The following ABLIM2 variants were observed in gnomAD, a reference collection of about 807,000 sequenced individuals.
ABLIM2 encodes actin binding LIM protein family member 2, also known as actin-binding LIM protein 2.
Under a neutral mutation model 97.7 loss-of-function variants are expected in ABLIM2, and 53 were observed. That is an observed-to-expected ratio of 0.54 (90% CI 0.44 to 0.68). The LOEUF is 0.68. Ranked by LOEUF, ABLIM2 falls within the 30% of genes least tolerant of loss-of-function variation. The pLI, the probability that ABLIM2 is intolerant of heterozygous loss-of-function variation, is 0.00. For synonymous variants in ABLIM2, 361 were observed against 345.8 expected (o/e 1.04, Z -0.49); for missense variants, 835 against 867.2 (o/e 0.96, Z 0.47).
Position 7,986,240 on chromosome 4 carries a change from C to T in ABLIM2, c.1681-1347G>A, listed in dbSNP as rs536812245. On this transcript the variant is annotated intron_variant, in intron 17 of 20. Transcript: ENST00000447017. The surrounding 1 kb of genome is among the most constrained non-coding windows in gnomAD (Gnocchi z 4.3). ...CTGTCACAGGGCAAAGTGTTTTCAA[C>T]GCGAGCTTTGCAGTAGGAAATCAGT... is the stretch of plus-strand genomic sequence containing the variant. Among the ~76,000 whole-genome samples, 7 of 152,194 alleles carry T rather than the reference C, an allele frequency of 4.6e-5. No individual in the cohort carries two copies. The highest frequency in any genetic ancestry group is 4.6e-4 in the Admixed American group (7 of 15,280).
intron 1 of ABLIM2, among the ~76,000 whole-genome samples, chr4:8,110,379 G>A (rs13117114): frequency 1.3e-5 from 2 of 152,006 alleles, no homozygotes; most frequent in Non-Finnish European, 2.9e-5. Context: ...GGCCTGGGAT[G>A]CAGGCTTAGC....
intron 12 of ABLIM2, among the ~76,000 whole-genome samples, chr4:8,027,244 G>C (rs1777990956): frequency 3.9e-5 from 6 of 152,156 alleles, no homozygotes; most frequent in Admixed American, 3.9e-4. Context: ...CCAGCATGTG[G>C]GTGCCCGTGC....
chr4:8,083,794 G>A lies in ABLIM2; in HGVS notation c.455-2992C>T, dbSNP rs753137045. ...GGACCCCCCAATGTCAGCTGGCCAC[G>A]TGCCCGTACATCCTGGTTGGCACTG... On this transcript the variant is annotated intron_variant, in intron 4 of 20. Transcript: ENST00000447017. The surrounding 1 kb of genome is among the most constrained non-coding windows in gnomAD (Gnocchi z 4.6). Among the ~76,000 whole-genome samples the A allele has an allele frequency of 3.9e-5, 6 of 152,204 alleles. No individual in the cohort carries two copies. The highest frequency in any genetic ancestry group is 1.9e-4 in the East Asian group (1 of 5,190).
chr4:8,151,384 C>A (rs977749702), intron 1 of ABLIM2, among the ~76,000 whole-genome samples: 1 of 152,230 alleles, frequency 6.6e-6, no homozygotes, highest in African/African-American at 2.4e-5. Context: ...AAAGCCCCCT[C>A]CTCCGCCCCA....
intron 1 of ABLIM2, among the ~76,000 whole-genome samples, chr4:8,143,159 T>TCGG (rs58979220): frequency 1.6e-5 from 1 of 61,368 alleles, no homozygotes; most frequent in Non-Finnish European, 3.3e-5. Flanking sequence ...GGGGCGAGAG[T>TCGG]GGGGGGGGGG....
chr4:8,016,079 C>T (rs1768988590), intron 14 of ABLIM2, among the ~76,000 whole-genome samples: 1 of 126,580 alleles, frequency 7.9e-6, no homozygotes, highest in Non-Finnish European at 1.6e-5. Flanking sequence ...GAGTCTCACT[C>T]TGTCGCCCAG....
rs1315487053 is a variant in ABLIM2 at position 8,054,300 on chromosome 4, G to T, written c.764-54C>A. The T allele has an allele frequency of 5.0e-6, 8 of 1,590,480 alleles. No individual in the cohort carries two copies. The highest frequency in any genetic ancestry group is 6.9e-6 in the Non-Finnish European group (8 of 1,160,310). ...ATTAGAGTTATTTCCCATGTTGCAG[G>T]GGCCTGTGTGGAAACGCAGAGGAGG... On this transcript the variant is annotated intron_variant, in intron 7 of 20. Coordinates refer to ENST00000447017, the MANE Select transcript of ABLIM2 (RefSeq NM_001130083.2). The surrounding 1 kb of genome is among the most constrained non-coding windows in gnomAD (Gnocchi z 4.9).
At position 8,115,272 on chromosome 4, in the gene ABLIM2, G is replaced by A. The variant is rs561626420; in HGVS notation, c.11-8635C>T. Among the ~76,000 whole-genome samples the A allele has an allele frequency of 5.3e-5, 8 of 152,274 alleles. No homozygotes were observed. In the East Asian group the frequency reaches 7.7e-4, roughly 15 times the overall value. The stretch of plus-strand genomic sequence containing the variant: ...TCAGTGCCCTGCTCAGGGCTGGCCC[G>A]GACATCAGCAGCCAAACTCCTCTTT... On this transcript the variant is annotated intron_variant, in intron 1 of 20. Transcript: ENST00000447017.
rs1848645086 is a variant in ABLIM2 at position 8,127,805 on chromosome 4, T to C, written c.11-21168A>G. On this transcript the variant is annotated intron_variant, in intron 1 of 20. Coordinates refer to ENST00000447017, the MANE Select transcript of ABLIM2 (RefSeq NM_001130083.2). This position sits in a 1 kb window ranked among gnomAD's most constrained non-coding sequence, Gnocchi z 7.3. ...CCACACTATGCGCCAGAGACACACC[T>C]GTCTCCCAGGCATCCGGGAAAGGGG... The C allele has an allele frequency of 1.3e-6, 1 of 785,458 alleles. No homozygotes were observed. Among genetic ancestry groups the C allele is most frequent in the Non-Finnish European group, 1.5e-6 (1 of 651,694 alleles). The allele number at this position is 785,458 out of a possible 1,614,324, so 48.7% of individuals were successfully genotyped here.
rs547459143 is a variant in ABLIM2 at position 8,046,330 on chromosome 4, C to A, written c.823-1089G>T. Among the ~76,000 whole-genome samples, 170 of 152,230 alleles carry A rather than the reference C, an allele frequency of 1.1e-3. No individual in the cohort carries two copies. The highest frequency in any genetic ancestry group is 3.7e-3 in the African/African-American group (152 of 41,538). ...CCCTCCCCACCTGCAGGGCAGGGGC[C>A]TCTCCTGGTTCAGCTCTCACTGGAG... On this transcript the variant is annotated intron_variant, in intron 8 of 20. Transcript: ENST00000447017. This position sits in a 1 kb window ranked among gnomAD's most constrained non-coding sequence, Gnocchi z 4.4.
At chr4:8,048,044 G>C (rs983963930) in intron 8 of ABLIM2, among the ~76,000 whole-genome samples, 12 of 152,238 alleles carry the variant, frequency 7.9e-5, no homozygotes, top group African/African-American at 2.9e-4. Context: ...GCGTTGGCTG[G>C]TTTCAGCACG....
rs970150904 is a variant in ABLIM2 at position 8,043,176 on chromosome 4, C to T, written c.900+1988G>A. 1.3e-5 allele frequency among the ~76,000 whole-genome samples: 2 copies of T among 152,086 alleles called. No individual in the cohort carries two copies. Among genetic ancestry groups the T allele is most frequent in the African/African-American group, 4.8e-5 (2 of 41,414 alleles). The stretch of plus-strand genomic sequence containing the variant: ...CAAAACCAAAACTAAAAAGGACAGT[C>T]CTCCCTGGGTCTTTGGACCTGCGTC... On this transcript the variant is annotated intron_variant, in intron 9 of 20. Coordinates refer to ENST00000447017, the MANE Select transcript of ABLIM2 (RefSeq NM_001130083.2). The surrounding 1 kb of genome is among the most constrained non-coding windows in gnomAD (Gnocchi z 4.8).
chr4:8,018,182 T>C (rs530299665), intron 14 of ABLIM2, among the ~76,000 whole-genome samples: 6 of 152,292 alleles, frequency 3.9e-5, no homozygotes, highest in African/African-American at 1.4e-4. Context: ...CCTCCTGTCC[T>C]GCACATGTTA....
chr4:7,981,802 C>T (rs897529172), intron 20 of ABLIM2, among the ~76,000 whole-genome samples: 7 of 152,172 alleles, frequency 4.6e-5, no homozygotes, highest in Admixed American at 2.0e-4. Context: ...GAATCAATAT[C>T]CTCATCTTAG....
chr4:8,020,937 G>A (rs965850690), intron 12 of ABLIM2: 5 of 149,008 alleles, frequency 3.4e-5, no homozygotes, highest in African/African-American at 1.3e-4. Flanking sequence ...GCAGGGTGCA[G>A]ACTCCACCTT....
At position 8,047,060 on chromosome 4, in the gene ABLIM2, ACAGT is replaced by A. The variant is rs534016165; in HGVS notation, c.823-1823_823-1820del. 2.1e-3 allele frequency among the ~76,000 whole-genome samples: 322 copies of A among 152,260 alleles called. 1 individual carries two copies. Among genetic ancestry groups the A allele is most frequent in the South Asian group, 8.7e-3 (42 of 4,822 alleles). Reference sequence around the variant, plus strand: ...CATCGTGCAGCGGCTGGCGTGGGTGACAGTCAGCACCTCCTACACTCAGCGCACA... The same window carrying A: ...CATCGTGCAGCGGCTGGCGTGGGTGACAGCACCTCCTACACTCAGCGCACA... On this transcript the variant is annotated intron_variant, in intron 8 of 20. Transcript: ENST00000447017.
chr4:8,012,158 CA>C (rs1765397660), intron 14 of ABLIM2, among the ~76,000 whole-genome samples: 1 of 150,934 alleles, frequency 6.6e-6, no homozygotes, highest in African/African-American at 2.4e-5. Flanking sequence ...CCCACTCATC[CA>C]CCCATCTATT....
At chr4:8,010,320 C>T (rs969025544) in intron 14 of ABLIM2, 4 of 966,682 alleles carry the variant, frequency 4.1e-6, no homozygotes, top group East Asian at 1.1e-4. Context: ...GTATCCCTTA[C>T]AGAAACACTG....
chr4:7,972,433 G>C (rs542171470), intron 20 of ABLIM2, among the ~76,000 whole-genome samples: 4 of 152,348 alleles, frequency 2.6e-5, no homozygotes, highest in African/African-American at 9.6e-5. Context: ...AGCAGGCCCT[G>C]GGGCTATGCT....
Sources: gnomAD v4.1 joint callset for allele counts (sites outside exome capture counted in the v4.1 genomes callset) on GRCh38, gnomAD v4.1.1 for gene constraint, Gnocchi (gnomAD v3.1) non-coding constraint, MANE v1.5 for transcripts, NCBI Gene and HGNC (gene_info 2026-07-23, HGNC 2026-07-21) for gene names.